The following RABGAP1 variants were observed in gnomAD, a reference collection of about 807,000 sequenced individuals.
The protein encoded by RABGAP1 is RAB GTPase activating protein 1, also known as rab GTPase-activating protein 1.
In RABGAP1, 23 loss-of-function variants were observed where a neutral mutation model predicts 137.6. The observed-to-expected ratio is 0.17, with a 90% CI of 0.12 to 0.24. The LOEUF is 0.24. Ranked by LOEUF, RABGAP1 falls within the 10% of genes least tolerant of loss-of-function variation. The pLI, the probability that RABGAP1 is intolerant of heterozygous loss-of-function variation, is 1.00. For synonymous variants in RABGAP1, 451 were observed against 450.7 expected (o/e 1.00, Z -0.01); for missense variants, 906 against 1,275.8 (o/e 0.71, Z 4.42).
chr9:123,047,999 C>T (rs1021691877), intron 13 of RABGAP1, among the ~76,000 whole-genome samples: 4 of 123,094 alleles, frequency 3.2e-5, no homozygotes, highest in East Asian at 2.4e-4. Context: ...AGTGCAATGG[C>T]GCGATCTCGG....
chr9:122,957,212 A>T lies in RABGAP1; in HGVS notation c.150+3A>T. Reference sequence around the variant, plus strand: ...ATGATGAGAAAACAGGACTCAAGGTAAAACTCCCTAACCTAAGATTGTTTT... The same window carrying T: ...ATGATGAGAAAACAGGACTCAAGGTTAAACTCCCTAACCTAAGATTGTTTT... On this transcript the variant is annotated splice_donor_region_variant and intron_variant, in intron 2 of 25. Coordinates refer to ENST00000373647, the MANE Select transcript of RABGAP1 (RefSeq NM_012197.4). 6.6e-7 allele frequency: 1 copy of T among 1,513,596 alleles called. No homozygotes were observed. Among genetic ancestry groups the T allele is most frequent in the Non-Finnish European group, 9.0e-7 (1 of 1,112,114 alleles). 93.8% of individuals were successfully genotyped at this position (1,513,596 alleles called of 1,614,324 possible).
intron 10 of RABGAP1, among the ~76,000 whole-genome samples, chr9:123,000,428 T>C (rs7870270): frequency 0.22 from 33,690 of 151,964 alleles, 5,223 homozygotes; most frequent in East Asian, 0.65. Flanking sequence ...CCTTGGAAGA[T>C]ATCAAGGTCA....
chr9:123,001,902 A>G (rs1036917214), intron 10 of RABGAP1, among the ~76,000 whole-genome samples: 1 of 152,240 alleles, frequency 6.6e-6, no homozygotes, highest in Non-Finnish European at 1.5e-5. Context: ...GCACTAAGTC[A>G]TGAAATCAGA....
At chr9:122,934,771 T>C in the RABGAP1 span, among the ~76,000 whole-genome samples, 4 of 152,158 alleles carry the variant, frequency 2.6e-5, no homozygotes, top group Non-Finnish European at 5.9e-5. Context: ...AGTCTCTGTC[T>C]CATGGGTTGA....
Position 123,101,693 on chromosome 9 carries a change from A to T in RABGAP1, c.3017A>T (p.Gln1006Leu). The T allele has an allele frequency of 6.2e-7, 1 of 1,614,048 alleles. No individual in the cohort carries two copies. Among genetic ancestry groups the T allele is most frequent in the Non-Finnish European group, 8.5e-7 (1 of 1,179,988 alleles). The change falls in exon 25 of 26, where the codon CAG (glutamine) becomes CTG (leucine). Residue 1006 changes from glutamine to leucine, a missense_variant. Coordinates refer to ENST00000373647, the MANE Select transcript of RABGAP1 (RefSeq NM_012197.4). ...GAAGAGAAAGAGACGCTCAAGAACC[A>T]GCTGAGAGAAATGGAGCTAGAACTG... Reference protein sequence around the residue: ...TDEEKETLKNQLREMELELAQ... With the variant: ...TDEEKETLKNLLREMELELAQ...
At chr9:123,027,108 C>CTTTTTTT (rs71388345) in intron 13 of RABGAP1, among the ~76,000 whole-genome samples, 1 of 100,096 alleles carries the variant, frequency 1.0e-5, no homozygotes, top group African/African-American at 3.4e-5. Flanking sequence ...TCTTTCTTTT[C>CTTTTTTT]TTTTTTTTTT....
chr9:123,079,224 TTTTTG>T (rs1474060160), intron 19 of RABGAP1, among the ~76,000 whole-genome samples: 13 of 34,654 alleles, frequency 3.8e-4, no homozygotes, highest in Non-Finnish European at 6.3e-4. Flanking sequence ...TTTTTTTGTT[TTTTTG>T]TTTTGTTTTG....
intron 13 of RABGAP1, among the ~76,000 whole-genome samples, chr9:123,022,213 A>G (rs900006897): frequency 1.3e-5 from 2 of 152,230 alleles, no homozygotes; most frequent in African/African-American, 4.8e-5. Flanking sequence ...GACTATTCAT[A>G]AGACATGAAG....
intron 21 of RABGAP1, among the ~76,000 whole-genome samples, chr9:123,095,741 G>T (rs1373045278): frequency 6.6e-6 from 1 of 151,602 alleles, no homozygotes; most frequent in Non-Finnish European, 1.5e-5. Context: ...CTCCATGTAA[G>T]CACTATTTTC....
intron 1 of RABGAP1, among the ~76,000 whole-genome samples, chr9:122,954,880 C>CT (rs889728965): frequency 4.4e-4 from 67 of 152,250 alleles, no homozygotes; most frequent in African/African-American, 1.3e-3. Flanking sequence ...CACCATCTCT[C>CT]TAAGACTTAA....
chr9:122,973,179 CTATAAAT>C (rs1663517265), intron 2 of RABGAP1, among the ~76,000 whole-genome samples: 1 of 152,126 alleles, frequency 6.6e-6, no homozygotes. Flanking sequence ...CAAAGATACT[CTATAAAT>C]ACTGGTTGGG....
chr9:123,066,801 T>A (rs2034187871), intron 14 of RABGAP1, among the ~76,000 whole-genome samples: 1 of 152,230 alleles, frequency 6.6e-6, no homozygotes. Context: ...TCAAACAGAA[T>A]GGGTTTAAAA....
At chr9:123,099,416 T>C (rs700080) in intron 23 of RABGAP1, 62 bp from the exon 24 acceptor site, 1,185,768 of 1,446,672 alleles carry the variant, frequency 0.82, 504,731 homozygotes, top group South Asian at 0.89. Flanking sequence ...GCTTCCACTA[T>C]GGAATTTATG....
At chr9:122,985,440 T>A (rs1720614685) in intron 3 of RABGAP1, among the ~76,000 whole-genome samples, 1 of 151,936 alleles carries the variant, frequency 6.6e-6, no homozygotes, top group Non-Finnish European at 1.5e-5. Flanking sequence ...GGTGAAACCC[T>A]GTCTCTATTA....
At chr9:122,962,082 A>G (rs886196996) in intron 2 of RABGAP1, among the ~76,000 whole-genome samples, 5 of 152,236 alleles carry the variant, frequency 3.3e-5, no homozygotes, top group African/African-American at 1.2e-4. Flanking sequence ...ATTTATAGAT[A>G]TAATGTGTAT....
In RABGAP1 at chr9:122,993,744, A is replaced by C. The variant is rs559360888; in HGVS notation, c.924-2297A>C. Among the ~76,000 whole-genome samples the C allele has an allele frequency of 5.9e-5, 9 of 151,564 alleles. No homozygotes were observed. In the East Asian group the frequency reaches 1.7e-3, roughly 29 times the overall value. On this transcript the variant is annotated intron_variant, in intron 6 of 25. Coordinates refer to ENST00000373647, the MANE Select transcript of RABGAP1 (RefSeq NM_012197.4). ...AGTGGCGCAGTCTCGGCTCACTGCA[A>C]CCTCTGCCTCCCAGGTTCAAGTGAT...
intron 6 of RABGAP1, among the ~76,000 whole-genome samples, chr9:122,990,984 A>C (rs1025745545): frequency 1.3e-4 from 20 of 151,010 alleles, no homozygotes; most frequent in African/African-American, 4.6e-4. Context: ...ATCTGCATAC[A>C]TTGGAAGGGG....
In RABGAP1 at chr9:122,985,341, G is replaced by A. The variant is rs143150520; in HGVS notation, c.385+622G>A. On this transcript the variant is annotated intron_variant, in intron 3 of 25. Coordinates refer to ENST00000373647, the MANE Select transcript of RABGAP1 (RefSeq NM_012197.4). ...CAGAAAGATGACAGTTAGGCCGGGC[G>A]CAGTGGCTCACGCCTGTGATCCCAG... Among the ~76,000 whole-genome samples the A allele has an allele frequency of 2.3e-3, 345 of 152,324 alleles. 2 individuals are homozygous for A. Among genetic ancestry groups the A allele is most frequent in the Admixed American group, 6.7e-3 (103 of 15,296 alleles).
chr9:122,996,288 A>G, intron 7 of RABGAP1, 137 bp downstream of exon 7: 3 of 1,382,438 alleles, frequency 2.2e-6, no homozygotes, highest in Non-Finnish European at 2.9e-6. Flanking sequence ...TACTGAAGTC[A>G]GTGCTTCATT....
Sources: gnomAD v4.1 joint callset for allele counts (sites outside exome capture counted in the v4.1 genomes callset) on GRCh38, gnomAD v4.1.1 for gene constraint, MANE v1.5 for transcripts, NCBI Gene and HGNC (gene_info 2026-07-23, HGNC 2026-07-21) for gene names.